The following IL31RA variants were observed in gnomAD, a reference collection of about 807,000 sequenced individuals.
IL31RA encodes the protein interleukin 31 receptor A.
IL31RA carries 66 observed loss-of-function variants against 83.7 expected under a neutral mutation model. That is an observed-to-expected ratio of 0.79 (90% confidence interval 0.65 to 0.97). The LOEUF (loss-of-function observed/expected upper bound fraction) is 0.97. Ranked by LOEUF, IL31RA falls within the 50% of genes least tolerant of loss-of-function variation. The pLI is 0.00. For missense variants in IL31RA, 798 were observed against 919.4 expected (o/e 0.87, Z 1.71); for synonymous variants, 325 against 329.0 (o/e 0.99, Z 0.13).
At position 55,857,097 on chromosome 5, in the gene IL31RA, A is replaced by ATT. The variant is rs35485505; in HGVS notation, c.64-2401_64-2400dup. Among the ~76,000 whole-genome samples, 820 of 145,914 alleles carry ATT rather than the reference A, an allele frequency of 5.6e-3. 10 individuals carry two copies. The highest frequency in any genetic ancestry group is 0.035 in the East Asian group (175 of 4,964). ...CCTGGGAGGCATCTCACCTTTTTGCATTTTTTTTTTTTCTTTTTTGAGACA... is the reference window on the plus strand; with the variant it reads ...CCTGGGAGGCATCTCACCTTTTTGCATTTTTTTTTTTTTTCTTTTTTGAGACA... On this transcript the variant is annotated intron_variant, in intron 1 of 14. Transcript: ENST00000652347.
At chr5:55,850,983 G>A (rs1457749764), upstream of IL31RA, among the ~76,000 whole-genome samples, 2 of 152,126 alleles carry the variant, frequency 1.3e-5, no homozygotes, top group Non-Finnish European at 2.9e-5. Context: ...CCAGCTACAT[G>A]GGAGGCTGGC....
intron 6 of IL31RA, among the ~76,000 whole-genome samples, chr5:55,893,537 A>G (rs1315592511): frequency 2.0e-5 from 3 of 152,092 alleles, no homozygotes; most frequent in Non-Finnish European, 4.4e-5. Context: ...TTTTTTTTTC[A>G]GAGTCCTTAC....
chr5:55,868,713 A>G (rs930595528), intron 2 of IL31RA, 78 bp from the exon 3 acceptor site: 1 of 902,912 alleles, frequency 1.1e-6, no homozygotes, highest in Non-Finnish European at 1.9e-6. Flanking sequence ...ATTTTCCATT[A>G]AAAATGTTCA....
chr5:55,899,035 A>G (rs1475207097), intron 7 of IL31RA, among the ~76,000 whole-genome samples: 4 of 152,120 alleles, frequency 2.6e-5, no homozygotes, highest in Non-Finnish European at 5.9e-5. Context: ...AAATAAATAA[A>G]TAAATACAAT....
At chr5:55,855,822 A>G (rs1193819718) in intron 1 of IL31RA, among the ~76,000 whole-genome samples, 2 of 152,218 alleles carry the variant, frequency 1.3e-5, no homozygotes, top group Non-Finnish European at 2.9e-5. Flanking sequence ...AAGTGCTTAG[A>G]TTTGTTTGCA....
chr5:55,881,602 C>G (rs1320315960), intron 4 of IL31RA, among the ~76,000 whole-genome samples: 1 of 151,766 alleles, frequency 6.6e-6, no homozygotes, highest in Non-Finnish European at 1.5e-5. Flanking sequence ...GCATGCTCAA[C>G]TGAGGCGTTC....
chr5:55,855,594 G>A (rs1745310100), intron 1 of IL31RA, among the ~76,000 whole-genome samples: 1 of 152,138 alleles, frequency 6.6e-6, no homozygotes, highest in Non-Finnish European at 1.5e-5. Context: ...GGAGCTGAAT[G>A]GCCAAAGAGC....
intron 12 of IL31RA, among the ~76,000 whole-genome samples, chr5:55,912,293 C>T (rs1009102502): frequency 6.6e-6 from 1 of 152,226 alleles, no homozygotes; most frequent in Non-Finnish European, 1.5e-5. Context: ...CTTCCTATAA[C>T]TTTCAAGGTC....
At chr5:55,867,641 T>A (rs1397410926) in intron 2 of IL31RA, among the ~76,000 whole-genome samples, 1 of 152,112 alleles carries the variant, frequency 6.6e-6, no homozygotes, top group Non-Finnish European at 1.5e-5. Context: ...TTTGTATTAG[T>A]CCATTTTCAC....
chr5:55,909,912 C>T lies in IL31RA; in HGVS notation c.1502-620C>T, dbSNP rs551126436. ...AGAGATGGAGTTTCTCCATGTTGGT[C>T]AGGCTGGTCTCGAACTCCCGACCTC... On this transcript the variant is annotated intron_variant, in intron 11 of 14. Coordinates refer to ENST00000652347, the MANE Select transcript of IL31RA (RefSeq NM_139017.7). 4.3e-4 allele frequency among the ~76,000 whole-genome samples: 66 copies of T among 152,316 alleles called. 1 individual carries two copies. Among genetic ancestry groups the T allele is most frequent in the African/African-American group, 1.6e-3 (65 of 41,566 alleles).
chr5:55,867,318 CGT>C (rs1243377169), intron 2 of IL31RA, among the ~76,000 whole-genome samples: 490 of 40,782 alleles, frequency 0.012, 5 homozygotes, highest in African/African-American at 0.033. Flanking sequence ...TGTGTGTGTG[CGT>C]GTGTGTGTGT....
chr5:55,859,452 T>G, intron 1 of IL31RA, 57 bp from the exon 2 acceptor site: 1 of 1,233,478 alleles, frequency 8.1e-7, no homozygotes, highest in Non-Finnish European at 1.2e-6. Flanking sequence ...CCATTGGAAA[T>G]AGAGCTTTTG....
At position 55,868,919 on chromosome 5, in the gene IL31RA, G is replaced by A. The variant is rs1164242634; in HGVS notation, c.272+11G>A. 2.9e-6 allele frequency: 4 copies of A among 1,357,490 alleles called. No homozygotes were observed. 84.1% of individuals were successfully genotyped at this position (1,357,490 alleles called of 1,614,324 possible). ...AGTTAAGAGAACTTAGTAAGTACAG[G>A]AGCTTGTGTTTTATCAGTCAGGGCA... On this transcript the variant is annotated intron_variant, in intron 3 of 14. Transcript: ENST00000652347.
At chr5:55,860,279 A>G (rs997417583) in intron 2 of IL31RA, among the ~76,000 whole-genome samples, 1 of 152,128 alleles carries the variant, frequency 6.6e-6, no homozygotes, top group Admixed American at 6.5e-5. Context: ...TGAGGTGGGA[A>G]GATCACTTGA....
intron 11 of IL31RA, among the ~76,000 whole-genome samples, chr5:55,910,009 G>A (rs974947747): frequency 1.3e-5 from 2 of 152,214 alleles, no homozygotes; most frequent in South Asian, 4.1e-4. Context: ...CGGCCAGCCC[G>A]TTTGTATATC....
intron 1 of IL31RA, among the ~76,000 whole-genome samples, chr5:55,854,806 G>T (rs1482394159): frequency 1.3e-5 from 2 of 150,910 alleles, no homozygotes; most frequent in African/African-American, 2.4e-5. Flanking sequence ...TATATAAATA[G>T]AAAATATAAA....
At chr5:55,882,051 T>G (rs1474970814) in intron 4 of IL31RA, among the ~76,000 whole-genome samples, 1 of 152,138 alleles carries the variant, frequency 6.6e-6, no homozygotes, top group African/African-American at 2.4e-5. Flanking sequence ...AATCACCAGT[T>G]ACAGGTGTTT....
At chr5:55,899,221 C>T (rs543209904) in intron 7 of IL31RA, among the ~76,000 whole-genome samples, 18 of 152,250 alleles carry the variant, frequency 1.2e-4, no homozygotes, top group South Asian at 2.1e-4. Context: ...TCAGGCATTA[C>T]GCTCCATCTA....
intron 5 of IL31RA, among the ~76,000 whole-genome samples, chr5:55,886,840 C>A (rs1420966940): frequency 6.6e-6 from 1 of 152,230 alleles, no homozygotes; most frequent in African/African-American, 2.4e-5. Context: ...TTGCACCTCT[C>A]CTGCCCCAAT....
Sources: gnomAD v4.1 joint callset for allele counts (sites outside exome capture counted in the v4.1 genomes callset) on GRCh38, gnomAD v4.1.1 for gene constraint, MANE v1.5 for transcripts, NCBI Gene and HGNC (gene_info 2026-07-23, HGNC 2026-07-21) for gene names.